The following STS variants were observed in gnomAD, a reference collection of about 807,000 sequenced individuals.
STS encodes steroid sulfatase.
STS carries 7 observed loss-of-function variants against 26.8 expected under a neutral mutation model. The ratio of observed to expected loss-of-function variants is 0.26; its 90% CI spans 0.15 to 0.49. STS has a LOEUF of 0.49. Ranked by LOEUF, STS falls within the 20% of genes least tolerant of loss-of-function variation. The pLI is 0.98. For synonymous variants in STS, 199 were observed against 189.4 expected, an observed-to-expected ratio of 1.05 and a Z score of -0.42; for missense variants, 434 against 465.6, an observed-to-expected ratio of 0.93 and a Z score of 0.63.
chrX:7,185,083 A>T (rs774968297), intron 1 of STS, among the ~76,000 whole-genome samples: 2 of 112,238 alleles, frequency 1.8e-5, no homozygotes, highest in East Asian at 5.6e-4. Flanking sequence ...AGAGAACAAG[A>T]ATGATCAGGG....
intron 1 of STS, among the ~76,000 whole-genome samples, chrX:7,159,097 C>T (rs369982047): frequency 1.8e-5 from 2 of 111,478 alleles, no homozygotes; most frequent in African/African-American, 6.5e-5. Flanking sequence ...TTTATAGAAG[C>T]AAAGACTCAG....
intron 10 of STS, among the ~76,000 whole-genome samples, chrX:7,340,756 G>A (rs1352295737): frequency 8.9e-6 from 1 of 112,324 alleles, no homozygotes; most frequent in Non-Finnish European, 1.9e-5. Context: ...AATCTCTGGG[G>A]TGCAGAATCT....
chrX:7,310,658 A>G (rs1406037759), intron 8 of STS, among the ~76,000 whole-genome samples: 2 of 111,557 alleles, frequency 1.8e-5, no homozygotes, highest in East Asian at 5.7e-4. Flanking sequence ...TTTCTTCTCA[A>G]CCTTCACTGC....
At chrX:7,340,459 G>A (rs778757142) in intron 10 of STS, among the ~76,000 whole-genome samples, 6 of 111,855 alleles carry the variant, frequency 5.4e-5, no homozygotes, top group Admixed American at 1.9e-4. Context: ...AGACGTTTCC[G>A]TTTGTTAATC....
intron 2 of STS, among the ~76,000 whole-genome samples, chrX:7,208,469 T>C (rs1355603955): frequency 8.9e-6 from 1 of 111,976 alleles, no homozygotes; most frequent in Non-Finnish European, 1.9e-5. Flanking sequence ...CAAGTAGTTA[T>C]GAAAAAATGG....
chrX:7,340,868 G>A (rs1379070858), intron 10 of STS, among the ~76,000 whole-genome samples: 2 of 111,609 alleles, frequency 1.8e-5, no homozygotes, highest in Non-Finnish European at 3.8e-5. Context: ...GGACGGATGG[G>A]AAAGATGAGA....
intron 8 of STS, among the ~76,000 whole-genome samples, chrX:7,324,248 AAAGACCTGCAGTCAATAG>A (rs1373123914): frequency 1.8e-5 from 2 of 110,958 alleles, no homozygotes; most frequent in Non-Finnish European, 3.8e-5. Flanking sequence ...GAGTTGATTT[AAAGACCTGCAGTCAATAG>A]AAGGGAGTGT....
intron 2 of STS, among the ~76,000 whole-genome samples, chrX:7,241,292 A>C (rs1391032316): frequency 3.6e-5 from 4 of 112,086 alleles, no homozygotes; most frequent in African/African-American, 1.3e-4. Context: ...TGTGTACAAA[A>C]ATCACAAAGC....
In STS at chrX:7,293,832, T is replaced by C. The variant is rs777148329; in HGVS notation, c.944-11214T>C. ...GGTTTTTGCAACCTCAGATTACAGA[T>C]GGAAACAGTACATAGCAGGAAAAAT... On this transcript the variant is annotated intron_variant, in intron 7 of 10. Transcript: ENST00000674429. 1.3e-4 allele frequency among the ~76,000 whole-genome samples: 14 copies of C among 111,679 alleles called. No individual in the cohort carries two copies. The Admixed American group carries it at 1.3e-3, about 11-fold the overall frequency.
Position 7,325,515 on chromosome X carries a change from G to C in STS, c.1241+17G>C, listed in dbSNP as rs746670212. 4.1e-6 allele frequency: 5 copies of C among 1,208,390 alleles called. No homozygotes were observed. The highest frequency in any genetic ancestry group is 4.4e-5 in the Admixed American group (2 of 45,723). ...TGAGGACAGGTACTCTGATGCCAGG[G>C]TGGTTGGTATTGTTGAGCTCTGATT... On this transcript the variant is annotated intron_variant, in intron 9 of 10. Transcript: ENST00000674429.
At chrX:7,186,443 C>T (rs1404598033) in intron 1 of STS, among the ~76,000 whole-genome samples, 2 of 111,133 alleles carry the variant, frequency 1.8e-5, no homozygotes, top group Admixed American at 9.5e-5. Context: ...GAGGAGACCA[C>T]GAGTGTTAGC....
At chrX:7,238,129 TGTG>T (rs1922410957) in intron 2 of STS, among the ~76,000 whole-genome samples, 3 of 96,677 alleles carry the variant, frequency 3.1e-5, no homozygotes, top group Non-Finnish European at 6.3e-5. Flanking sequence ...ATGGTGTGTG[TGTG>T]TGTGTGTGTG....
intron 2 of STS, among the ~76,000 whole-genome samples, chrX:7,239,480 A>G (rs1922488031): frequency 8.9e-6 from 1 of 112,245 alleles, no homozygotes; most frequent in Non-Finnish European, 1.9e-5. Flanking sequence ...ACGTAAGCAC[A>G]TTGTTAATTT....
At chrX:7,232,920 C>G (rs1472805328) in intron 2 of STS, among the ~76,000 whole-genome samples, 2 of 110,521 alleles carry the variant, frequency 1.8e-5, no homozygotes, top group South Asian at 3.9e-4. Context: ...GGCTTCCCCC[C>G]ACTTCGTTCT....
At chrX:7,324,960 C>T (rs909366928) in intron 8 of STS, among the ~76,000 whole-genome samples, 1 of 111,213 alleles carries the variant, frequency 9.0e-6, no homozygotes, top group African/African-American at 3.3e-5. Context: ...AATTTGGATG[C>T]GGACACTTGG....
rs1274547355 is a variant in STS at position 7,166,495 on chromosome X, C to T, written c.-134+18412C>T. Among the ~76,000 whole-genome samples, 6 of 111,225 alleles carry T rather than the reference C, an allele frequency of 5.4e-5. No homozygotes were observed. The East Asian group carries it at 1.7e-3, about 31-fold the overall frequency. On this transcript the variant is annotated intron_variant, in intron 1 of 10. Transcript: ENST00000674429. ...GACTGAAGTATGGGGATATGCAAAG[C>T]CATTTGTCTTAATTGGCAGACAGGA...
intron 7 of STS, among the ~76,000 whole-genome samples, chrX:7,303,487 C>A (rs1926070787): frequency 9.0e-6 from 1 of 110,604 alleles, no homozygotes; most frequent in Non-Finnish European, 1.9e-5. Flanking sequence ...TTGCATAGTT[C>A]CAACCTCCCA....
chrX:7,291,334 G>T (rs2147124044), intron 7 of STS, among the ~76,000 whole-genome samples: 1 of 111,808 alleles, frequency 8.9e-6, no homozygotes, highest in African/African-American at 3.2e-5. Flanking sequence ...GTGGCTTAAT[G>T]CTTTCTTGGG....
At chrX:7,339,576 T>C (rs188338583) in intron 10 of STS, among the ~76,000 whole-genome samples, 1 of 112,561 alleles carries the variant, frequency 8.9e-6, no homozygotes, top group Admixed American at 9.4e-5. Context: ...GTACAACATT[T>C]GTACTTGTAA....
Sources: allele counts gnomAD v4.1 joint callset (sites outside exome capture counted in the v4.1 genomes callset), GRCh38; gene constraint gnomAD v4.1.1; transcripts MANE v1.5; gene names NCBI Gene and HGNC (gene_info 2026-07-23, HGNC 2026-07-21).